The following PPIA variants were observed in gnomAD, a reference collection of about 807,000 sequenced individuals.
PPIA encodes the protein peptidyl-prolyl cis-trans isomerase A.
In PPIA, 2 loss-of-function variants were observed where a neutral mutation model predicts 15.3. The ratio of observed to expected loss-of-function variants is 0.13; its 90% CI spans 0.05 to 0.41. The LOEUF (loss-of-function observed/expected upper bound fraction) is 0.41, where lower values mean the gene tolerates loss of function less well. Among genes scored for constraint, PPIA ranks in the 10% least tolerant of loss-of-function variants. PPIA has a pLI of 0.99. For synonymous variants in PPIA, 67 were observed against 73.1 expected (o/e 0.92, Z 0.43); for missense variants, 103 against 210.3 (o/e 0.49, Z 3.16).
In PPIA at chr7:44,801,715, T is replaced by TGATACGGCGACCACCGAGA; in HGVS notation, c.*293_*294insGATACGGCGACCACCGAGA. On this transcript the variant is annotated 3_prime_UTR_variant, in exon 5 of 5. Transcript: ENST00000468812. ...TCTGAAACATCACTTGTTTGCTTAA[T>TGATACGGCGACCACCGAGA]TCTACACAGTACTTAGATTTTTTTT... The TGATACGGCGACCACCGAGA allele has an allele frequency of 3.4e-6, 1 of 290,204 alleles. No homozygotes were observed. The highest frequency in any genetic ancestry group is 9.2e-5 in the East Asian group (1 of 10,904). The allele number at this position is 290,204 out of a possible 1,614,324, so 18.0% of individuals were successfully genotyped here.
At chr7:44,796,870 G>T (rs781497645) in intron 1 of PPIA, 77 bp downstream of exon 1, 1 of 1,466,066 alleles carries the variant, frequency 6.8e-7, no homozygotes, top group Non-Finnish European at 9.2e-7. Flanking sequence ...CGCCCCAAAG[G>T]CCCGGGCGCG....
intron 1 of PPIA, chr7:44,798,619 T>G: frequency 1.8e-6 from 1 of 556,546 alleles, no homozygotes; most frequent in South Asian, 8.0e-5. Flanking sequence ...ACAAGCTGTT[T>G]TTATGAAAGG....
intron 4 of PPIA, chr7:44,800,106 T>C: frequency 1.9e-6 from 1 of 536,614 alleles, no homozygotes; most frequent in South Asian, 2.1e-5. Flanking sequence ...TGCTACTTTT[T>C]TGAGATGGAG....
chr7:44,796,906 G>A, intron 1 of PPIA, 113 bp downstream of exon 1: 1 of 1,173,732 alleles, frequency 8.5e-7, no homozygotes, highest in Non-Finnish European at 1.2e-6. Context: ...AGGGGCGAGC[G>A]CGGGCGGGCT....
chr7:44,797,004 G>A (rs982979604), intron 1 of PPIA, among the ~76,000 whole-genome samples: 1 of 152,126 alleles, frequency 6.6e-6, no homozygotes, highest in African/African-American at 2.4e-5. Context: ...AAGGCAGGCG[G>A]GGCGGCTGCG....
chr7:44,801,107 G>A (rs1044958711), intron 4 of PPIA, among the ~76,000 whole-genome samples, 180 bp from the exon 5 acceptor site: 4 of 151,584 alleles, frequency 2.6e-5, no homozygotes, highest in South Asian at 2.1e-4. Context: ...GTGAGCCACC[G>A]CACCCGGCCT....
At position 44,801,345 on chromosome 7, in the gene PPIA, G is replaced by A. The variant is rs1792554192; in HGVS notation, c.421G>A (p.Ala141Thr). The change falls in exon 5 of 5, where the codon GCC (alanine) becomes ACC (threonine). Residue 141 changes from alanine to threonine, a missense_variant. Physicochemically the swap from Ala to Thr is moderately conservative, Grantham distance 58 (BLOSUM62 0). Transcript: ENST00000468812. ...GAAAGAAGGCATGAATATTGTGGAG[G>A]CCATGGAGCGCTTTGGGTCCAGGAA... ...KVKEGMNIVEAMERFGSRNGK... is the reference protein window; with the variant it reads ...KVKEGMNIVETMERFGSRNGK... 6.2e-7 allele frequency: 1 copy of A among 1,608,366 alleles called. No homozygotes were observed. Among genetic ancestry groups the A allele is most frequent in the Non-Finnish European group, 8.5e-7 (1 of 1,176,160 alleles).
At position 44,796,724 on chromosome 7, in the gene PPIA, C is replaced by G. The variant is rs1452362299; in HGVS notation, c.-1C>G. On this transcript the variant is annotated 5_prime_UTR_variant, in exon 1 of 5. Coordinates refer to ENST00000468812, the MANE Select transcript of PPIA (RefSeq NM_021130.5). ...CCGAGGAAAACCGTGTACTATTAGC[C>G]ATGGTCAACCCCACCGTGTTCTTCG... is the stretch of plus-strand genomic sequence containing the variant. The G allele has an allele frequency of 1.2e-6, 2 of 1,610,912 alleles. No individual in the cohort carries two copies. The highest frequency in any genetic ancestry group is 1.7e-6 in the Non-Finnish European group (2 of 1,179,044).
rs1278668199 is a variant in PPIA at position 44,799,753 on chromosome 7, G to C, written c.241G>C (p.Glu81Gln). The change falls in exon 4 of 5, where the codon GAG becomes CAG. Residue 81 changes from glutamate to glutamine, a missense_variant. Transcript: ENST00000468812. ...CACTGGTGGCAAGTCCATCTATGGG[G>C]AGAAATTTGAAGATGAGAACTTCAT... ...NGTGGKSIYG[E>Q]KFEDENFILK... 1 of 1,613,992 alleles carries C rather than the reference G, an allele frequency of 6.2e-7. No individual in the cohort carries two copies. The highest frequency in any genetic ancestry group is 2.2e-5 in the East Asian group (1 of 44,892).
In PPIA at chr7:44,801,570, C is replaced by T; in HGVS notation, c.*148C>T. 1.7e-6 allele frequency: 1 copy of T among 582,788 alleles called. No individual in the cohort carries two copies. Among genetic ancestry groups the T allele is most frequent in the South Asian group, 2.1e-5 (1 of 48,666 alleles). 36.1% of individuals were successfully genotyped at this position (582,788 alleles called of 1,614,324 possible). A position where few individuals can be genotyped will look rare whatever the true frequency, so the allele number is the denominator to read the frequency against. The stretch of plus-strand genomic sequence containing the variant: ...GTTCCATGTTTTCCTTGTTCCCTCC[C>T]ATGCCTAGCTGGATTGCAGAGTTAA... On this transcript the variant is annotated 3_prime_UTR_variant, in exon 5 of 5. Transcript: ENST00000468812.
rs967940107 is a variant in PPIA, at chr7:44,803,006, TTG to T, written c.*1590_*1591del. 2 of 152,176 alleles carry T rather than the reference TTG, an allele frequency of 1.3e-5. No individual in the cohort carries two copies. Among genetic ancestry groups the T allele is most frequent in the African/African-American group, 2.4e-5 (1 of 41,430 alleles). The allele number at this position is 152,176 out of a possible 1,614,324, so 9.4% of individuals were successfully genotyped here. On this transcript the variant is annotated 3_prime_UTR_variant, in exon 5 of 5. Coordinates refer to ENST00000468812, the MANE Select transcript of PPIA (RefSeq NM_021130.5). Reference sequence around the variant, plus strand: ...CCACCACCACTTGTGCATCTCAGTCTTGTGTGTTGTCTGGTTACGTATTCCCT... The same window carrying T: ...CCACCACCACTTGTGCATCTCAGTCTTGTGTTGTCTGGTTACGTATTCCCT...
At position 44,801,416 on chromosome 7, in the gene PPIA, C is replaced by T. The variant is rs781684749; in HGVS notation, c.492C>T (p.Leu164=). 13 of 1,544,920 alleles carry T rather than the reference C, an allele frequency of 8.4e-6. No individual in the cohort carries two copies. The highest frequency in any genetic ancestry group is 4.1e-5 in the African/African-American group (3 of 73,542). Reference sequence around the variant, plus strand: ...TCACCATTGCTGACTGTGGACAACTCGAATAAGTTTGACTTGTGTTTTATC... The same window carrying T: ...TCACCATTGCTGACTGTGGACAACTTGAATAAGTTTGACTTGTGTTTTATC... ...KKITIADCGQ[L]E Residue 164 remains leucine (L), a synonymous_variant, in exon 5 of 5, where the codon CTC becomes CTT. Transcript: ENST00000468812.
Position 44,799,948 on chromosome 7 carries a change from A to G in PPIA, c.362+74A>G, listed in dbSNP as rs1041908164. 1.4e-5 allele frequency: 20 copies of G among 1,464,966 alleles called. No individual in the cohort carries two copies. The Admixed American group carries it at 2.1e-4, about 16-fold the overall frequency. 90.7% of individuals were successfully genotyped at this position (1,464,966 alleles called of 1,614,324 possible). A position where few individuals can be genotyped will look rare whatever the true frequency, so the allele number is the denominator to read the frequency against. On this transcript the variant is annotated intron_variant, in intron 4 of 4. Transcript: ENST00000468812. ...CCCTGGGGGGAACGGAACAAACACT[A>G]CTTTTCTTCAACCTTTGCTTCCACA... is the stretch of plus-strand genomic sequence containing the variant.
At chr7:44,796,840 G>A (rs747115083) in intron 1 of PPIA, 47 bp downstream of exon 1, 1 of 1,565,884 alleles carries the variant, frequency 6.4e-7, no homozygotes, top group East Asian at 2.4e-5. Context: ...AAAGTGGGCC[G>A]GGGTCGGGGT....
chr7:44,797,588 C>G (rs1328289227), intron 1 of PPIA, among the ~76,000 whole-genome samples: 1 of 152,146 alleles, frequency 6.6e-6, no homozygotes. Context: ...AAGCAAGTTG[C>G]GACTGGCCAC....
Position 44,802,046 on chromosome 7 carries a change from C to A in PPIA, c.*624C>A. ...CTGGGTGTTCACAGATCTTGTGTCT[C>A]AAAGGTAGGCAGAGGCAGGAAAAGC... is the stretch of plus-strand genomic sequence containing the variant. On this transcript the variant is annotated 3_prime_UTR_variant, in exon 5 of 5. Coordinates refer to ENST00000468812, the MANE Select transcript of PPIA (RefSeq NM_021130.5). 1 of 152,700 alleles carries A rather than the reference C, an allele frequency of 6.5e-6. No homozygotes were observed. The highest frequency in any genetic ancestry group is 1.5e-5 in the Non-Finnish European group (1 of 68,500). The allele number at this position is 152,700 out of a possible 1,614,324, so 9.5% of individuals were successfully genotyped here. A position where few individuals can be genotyped will look rare whatever the true frequency, so the allele number is the denominator to read the frequency against.
intron 1 of PPIA, among the ~76,000 whole-genome samples, 162 bp downstream of exon 1, chr7:44,796,955 C>T (rs1302528758): frequency 1.3e-5 from 2 of 152,084 alleles, no homozygotes; most frequent in East Asian, 3.9e-4. Flanking sequence ...TTTGGGAGGT[C>T]CGCGAGTCGC....
chr7:44,800,796 G>C (rs1792530384), intron 4 of PPIA, among the ~76,000 whole-genome samples: 1 of 151,922 alleles, frequency 6.6e-6, no homozygotes, highest in Non-Finnish European at 1.5e-5. Context: ...GTTTTTGGGG[G>C]AGGGGGGCGC....
At chr7:44,796,844 T>G in intron 1 of PPIA, 51 bp downstream of exon 1, 6 of 1,508,096 alleles carry the variant, frequency 4.0e-6, no homozygotes, top group Non-Finnish European at 5.4e-6. Context: ...TGGGCCGGGG[T>G]CGGGGTGGGT....
Sources: allele counts gnomAD v4.1 joint callset (sites outside exome capture counted in the v4.1 genomes callset), GRCh38; gene constraint gnomAD v4.1.1; transcripts MANE v1.5; gene names NCBI Gene and HGNC (gene_info 2026-07-23, HGNC 2026-07-21).